The following FA2H variants were observed in gnomAD, a reference collection of about 807,000 sequenced individuals.
FA2H encodes the protein fatty acid alpha-hydroxylase.
A neutral mutation model predicts 44.9 loss-of-function variants in FA2H; 22 were observed. The ratio of observed to expected loss-of-function variants is 0.49; its 90% CI spans 0.35 to 0.70. The LOEUF is 0.70. Ranked by LOEUF, FA2H falls within the 30% of genes least tolerant of loss-of-function variation. The pLI is 0.01. For missense variants in FA2H, 501 were observed against 504.9 expected (o/e 0.99, Z 0.07); for synonymous variants, 243 against 213.2 (o/e 1.14, Z -1.22).
chr16:74,747,419 G>A (rs555470987), intron 1 of FA2H, among the ~76,000 whole-genome samples: 2 of 152,260 alleles, frequency 1.3e-5, no homozygotes, highest in South Asian at 2.1e-4. Flanking sequence ...CACCAAGGGC[G>A]TTACCTCCAG....
At chr16:74,749,837 C>T (rs1217530124) in intron 1 of FA2H, among the ~76,000 whole-genome samples, 1 of 152,100 alleles carries the variant, frequency 6.6e-6, no homozygotes, top group Non-Finnish European at 1.5e-5. Flanking sequence ...GCAAAGTTTC[C>T]AAGAATGCAC....
rs1360442083 is a variant in FA2H at position 74,719,134 on chromosome 16, T to C, written c.640A>G (p.Met214Val). The change falls in exon 5 of 7, where the codon ATG becomes GTG. Residue 214 changes from methionine to valine, a missense_variant. Transcript: ENST00000219368. ...TEYTVAVPKS[M>V]FPGLFMLGTF... The stretch of plus-strand genomic sequence containing the variant: ...CCCAGCATGAAGAGCCCGGGGAACA[T>C]GGACTTGGGCACTGCCACCGTGTAC... 2 of 1,613,526 alleles carry C rather than the reference T, an allele frequency of 1.2e-6. No individual in the cohort carries two copies. Among genetic ancestry groups the C allele is most frequent in the South Asian group, 1.1e-5 (1 of 91,088 alleles).
chr16:74,751,824 C>T (rs1962530658), intron 1 of FA2H, among the ~76,000 whole-genome samples: 1 of 152,170 alleles, frequency 6.6e-6, no homozygotes. Flanking sequence ...TATATGTGTG[C>T]TGTCTAATAT....
At chr16:74,761,641 A>G (rs567093374) in intron 1 of FA2H, among the ~76,000 whole-genome samples, 2 of 152,334 alleles carry the variant, frequency 1.3e-5, no homozygotes, top group African/African-American at 4.8e-5. Flanking sequence ...TGTTTAATAA[A>G]TTTGGCCCTT....
rs373603320 is a variant in FA2H, at chr16:74,730,216, T to C, written c.364-2830A>G. The stretch of plus-strand genomic sequence containing the variant: ...GGCAAGGCCACTGGGTTTCTCTCTG[T>C]GCCTGTGACCAGGGTGAAGGGCCCA... On this transcript the variant is annotated intron_variant, in intron 2 of 6. Transcript: ENST00000219368. Among the ~76,000 whole-genome samples, 109 of 152,132 alleles carry C rather than the reference T, an allele frequency of 7.2e-4. 1 individual carries two copies. Among genetic ancestry groups the C allele is most frequent in the African/African-American group, 2.4e-3 (100 of 41,500 alleles).
intron 6 of FA2H, among the ~76,000 whole-genome samples, chr16:74,714,924 C>A (rs545647812): frequency 4.0e-5 from 6 of 151,160 alleles, no homozygotes; most frequent in Middle Eastern, 3.4e-3. Context: ...GCAAGCTCCG[C>A]CTCCTGGGTC....
At position 74,740,069 on chromosome 16, in the gene FA2H, G is replaced by C. The variant is rs1172884890; in HGVS notation, c.317C>G (p.Thr106Arg). The C allele has an allele frequency of 1.2e-6, 2 of 1,614,110 alleles. No homozygotes were observed. Among genetic ancestry groups the C allele is most frequent in the Admixed American group, 1.7e-5 (1 of 60,014 alleles). ...GAACCGTGGTTCCATAGCAGGATCT[G>C]TCTTCTGAGTTTCCTCAAGGGCTAC... The part of the protein sequence containing the change: ...EPVALEETQK[T>R]DPAMEPRFKV... Residue 106 changes from threonine (T) to arginine (R), a missense_variant, in exon 2 of 7, where the codon ACA becomes AGA. Physicochemically the swap from Thr to Arg is moderately conservative, Grantham distance 71 (BLOSUM62 -1). Coordinates refer to ENST00000219368, the MANE Select transcript of FA2H (RefSeq NM_024306.5).
intron 1 of FA2H, among the ~76,000 whole-genome samples, chr16:74,748,837 G>A (rs1042456847): frequency 1.3e-5 from 2 of 152,202 alleles, no homozygotes; most frequent in African/African-American, 4.8e-5. Context: ...TGGGCACCGC[G>A]GGACGGACAG....
At chr16:74,724,210 CTT>C (rs1417192935) in intron 4 of FA2H, among the ~76,000 whole-genome samples, 3 of 152,228 alleles carry the variant, frequency 2.0e-5, no homozygotes, top group South Asian at 4.1e-4. Flanking sequence ...CCTTAGCTCT[CTT>C]GTTGGTAAGG....
intron 4 of FA2H, 140 bp from the exon 5 acceptor site, chr16:74,719,300 G>T: frequency 1.4e-6 from 1 of 710,900 alleles, no homozygotes; most frequent in South Asian, 1.7e-5. Flanking sequence ...CATACTGCTG[G>T]GGTCCTTGAG....
At chr16:74,751,189 G>A (rs1962520486) in intron 1 of FA2H, among the ~76,000 whole-genome samples, 1 of 152,062 alleles carries the variant, frequency 6.6e-6, no homozygotes, top group Non-Finnish European at 1.5e-5. Flanking sequence ...CTGCCTCCCG[G>A]GTTCAAGCGA....
At chr16:74,740,154 T>G (rs1372221742) in intron 1 of FA2H, 39 bp from the exon 2 acceptor site, 2 of 1,543,104 alleles carry the variant, frequency 1.3e-6, no homozygotes, top group Non-Finnish European at 1.8e-6. Flanking sequence ...ACACAGTGGG[T>G]GAGGGAAGAG....
At chr16:74,747,551 G>A (rs756649746) in intron 1 of FA2H, among the ~76,000 whole-genome samples, 22 of 152,206 alleles carry the variant, frequency 1.4e-4, no homozygotes, top group Admixed American at 3.9e-4. Flanking sequence ...CAGGGTCATT[G>A]CAGATGTAGT....
intron 1 of FA2H, among the ~76,000 whole-genome samples, chr16:74,749,055 G>A (rs1365443775): frequency 6.6e-6 from 1 of 152,164 alleles, no homozygotes. Flanking sequence ...TGGTGCCAAG[G>A]CTGTTCCAAG....
At chr16:74,753,143 C>T (rs374577004) in intron 1 of FA2H, among the ~76,000 whole-genome samples, 1 of 152,214 alleles carries the variant, frequency 6.6e-6, no homozygotes, top group Non-Finnish European at 1.5e-5. Context: ...TGTAGCCACA[C>T]AGAATCCTGC....
chr16:74,774,533 G>T lies in FA2H; in HGVS notation c.223C>A (p.Arg75Ser), dbSNP rs1483492053. ...PPHRHSANAR[R>S]WLEQYYVGEL... ...CCCACGTAGTACTGCTCCAGCCAGCGGCGCGCGTTGGCCGAGTGCCTGTGC... is the reference window on the plus strand; with the variant it reads ...CCCACGTAGTACTGCTCCAGCCAGCTGCGCGCGTTGGCCGAGTGCCTGTGC... The change falls in exon 1 of 7, where the codon CGC becomes AGC. Residue 75 changes from arginine to serine, a missense_variant. Arg to Ser is a moderately radical substitution (Grantham distance 110). Coordinates refer to ENST00000219368, the MANE Select transcript of FA2H (RefSeq NM_024306.5). 2 of 1,544,336 alleles carry T rather than the reference G, an allele frequency of 1.3e-6. No individual in the cohort carries two copies. The highest frequency in any genetic ancestry group is 2.5e-5 in the East Asian group (1 of 40,762).
chr16:74,755,432 G>A (rs1054195761), intron 1 of FA2H, among the ~76,000 whole-genome samples: 4 of 152,072 alleles, frequency 2.6e-5, no homozygotes, highest in South Asian at 4.1e-4. Flanking sequence ...CACCCGCCTC[G>A]GCCTCCCAAA....
chr16:74,748,439 A>T (rs1182687260), intron 1 of FA2H, among the ~76,000 whole-genome samples: 1 of 152,148 alleles, frequency 6.6e-6, no homozygotes, highest in Non-Finnish European at 1.5e-5. Flanking sequence ...ACACGGGGGA[A>T]ACTGAGGCAC....
At position 74,727,383 on chromosome 16, in the gene FA2H, G is replaced by A. The variant is rs751867997; in HGVS notation, c.367C>T (p.Leu123=). ...AGGAGAGGCTTTCGCCAGTCCACCA[G>A]GTCCTGCAAGAGATGAAGCCAAGTG... ...RFKVVDWDKD[L]VDWRKPLLWQ... The change falls in exon 3 of 7, where the codon CTG becomes TTG. Residue 123 remains leucine (L), a synonymous_variant. Coordinates refer to ENST00000219368, the MANE Select transcript of FA2H (RefSeq NM_024306.5). 3 of 1,614,226 alleles carry A rather than the reference G, an allele frequency of 1.9e-6. No individual in the cohort carries two copies. The Admixed American group carries it at 5.0e-5, about 27-fold the overall frequency.
Sources: allele counts gnomAD v4.1 joint callset (sites outside exome capture counted in the v4.1 genomes callset), GRCh38; gene constraint gnomAD v4.1.1; transcripts MANE v1.5; gene names NCBI Gene and HGNC (gene_info 2026-07-23, HGNC 2026-07-21).